The following KCNJ15 variants were observed in gnomAD, a reference collection of about 807,000 sequenced individuals.
KCNJ15 encodes potassium inwardly rectifying channel subfamily J member 15.
A neutral mutation model predicts 23.0 loss-of-function variants in KCNJ15; 14 were observed. That is an observed-to-expected ratio of 0.61 (90% CI 0.40 to 0.95). KCNJ15 has a LOEUF of 0.95. Ranked by LOEUF, KCNJ15 falls within the 40% of genes least tolerant of loss-of-function variation. The pLI is 0.00. For missense variants in KCNJ15, 388 were observed against 461.8 expected (o/e 0.84, Z 1.46); for synonymous variants, 185 against 183.2 (o/e 1.01, Z -0.08).
chr21:38,263,031 G>C (rs756174623), intron 1 of KCNJ15, among the ~76,000 whole-genome samples: 3 of 152,146 alleles, frequency 2.0e-5, no homozygotes, highest in Non-Finnish European at 4.4e-5. Flanking sequence ...AATGTCAAAC[G>C]ACTTGATTCT....
intron 1 of KCNJ15, among the ~76,000 whole-genome samples, chr21:38,238,845 A>G (rs1195737819): frequency 6.6e-6 from 1 of 152,182 alleles, no homozygotes; most frequent in Non-Finnish European, 1.5e-5. Flanking sequence ...ATAGTAAAAA[A>G]TGATTCTCCC....
intron 1 of KCNJ15, among the ~76,000 whole-genome samples, chr21:38,279,245 C>A (rs1274398369): frequency 1.3e-5 from 2 of 151,684 alleles, no homozygotes; most frequent in Non-Finnish European, 2.9e-5. Context: ...TGTTTGTGGG[C>A]AATCAAAGGG....
At chr21:38,266,116 G>C (rs980997616) in intron 1 of KCNJ15, among the ~76,000 whole-genome samples, 1 of 152,072 alleles carries the variant, frequency 6.6e-6, no homozygotes, top group African/African-American at 2.4e-5. Flanking sequence ...GCCAGGCAGG[G>C]CTCTAAGTAT....
At chr21:38,263,748 A>G (rs1187832641) in intron 1 of KCNJ15, among the ~76,000 whole-genome samples, 2 of 152,194 alleles carry the variant, frequency 1.3e-5, no homozygotes, top group African/African-American at 4.8e-5. Context: ...AAGTTGTACT[A>G]CTGGGGCCTG....
chr21:38,259,302 G>A (rs1439864866), intron 1 of KCNJ15, among the ~76,000 whole-genome samples: 1 of 152,122 alleles, frequency 6.6e-6, no homozygotes. Flanking sequence ...GAGTCTTAGA[G>A]CCAACATAAG....
chr21:38,247,340 A>G (rs1305739654), intron 1 of KCNJ15, among the ~76,000 whole-genome samples: 2 of 118,944 alleles, frequency 1.7e-5, no homozygotes, highest in African/African-American at 6.3e-5. Context: ...ATGGATGGAT[A>G]GATGCATAGG....
intron 1 of KCNJ15, among the ~76,000 whole-genome samples, chr21:38,234,290 A>G (rs866728635): frequency 2.6e-5 from 4 of 152,150 alleles, no homozygotes; most frequent in Admixed American, 6.5e-5. Flanking sequence ...CTCATGAGCT[A>G]TTTTTAGTGT....
intron 1 of KCNJ15, chr21:38,238,086 G>A: frequency 3.0e-6 from 1 of 329,098 alleles, no homozygotes; most frequent in Non-Finnish European, 5.9e-6. Flanking sequence ...GGTGCCCAAG[G>A]GAGGCAGTGA....
intron 1 of KCNJ15, among the ~76,000 whole-genome samples, chr21:38,231,634 T>G (rs1988747066): frequency 7.0e-6 from 1 of 141,940 alleles, no homozygotes; most frequent in African/African-American, 2.6e-5. Flanking sequence ...AGTTTTCCTC[T>G]ATTCCTAGTT....
chr21:38,235,587 A>T (rs1253774525), intron 1 of KCNJ15, among the ~76,000 whole-genome samples: 6 of 152,170 alleles, frequency 3.9e-5, no homozygotes, highest in Non-Finnish European at 8.8e-5. Context: ...GTTGAGCTGG[A>T]ATTTGAGCTT....
chr21:38,262,825 C>G (rs1981055806), intron 1 of KCNJ15, among the ~76,000 whole-genome samples: 1 of 151,966 alleles, frequency 6.6e-6, no homozygotes, highest in Non-Finnish European at 1.5e-5. Flanking sequence ...TTACAGGCAC[C>G]TGCCACCACA....
intron 1 of KCNJ15, among the ~76,000 whole-genome samples, chr21:38,280,771 A>G (rs939225796): frequency 3.3e-5 from 5 of 152,180 alleles, no homozygotes; most frequent in African/African-American, 7.2e-5. Context: ...AGGTGAAGTT[A>G]TAAGTCCAGC....
rs1413521042 is a variant in KCNJ15, at chr21:38,270,912, G to A, written c.-117+13727G>A. ...TGGGTCAATGTAGAATTCCCTATACGTTGCATGCATCATCAGGAATTTCAT... is the reference window on the plus strand; with the variant it reads ...TGGGTCAATGTAGAATTCCCTATACATTGCATGCATCATCAGGAATTTCAT... On this transcript the variant is annotated intron_variant, in intron 1 of 2. Coordinates refer to ENST00000398938, the MANE Select transcript of KCNJ15 (RefSeq NM_170736.3). 7.2e-5 allele frequency among the ~76,000 whole-genome samples: 11 copies of A among 152,176 alleles called. No individual in the cohort carries two copies. In the East Asian group the frequency reaches 1.3e-3, roughly 19 times the overall value.
Position 38,300,677 on chromosome 21 carries a change from G to A in KCNJ15, c.*288G>A. 3.1e-6 allele frequency: 1 copy of A among 322,130 alleles called. No individual in the cohort carries two copies. Among genetic ancestry groups the A allele is most frequent in the South Asian group, 7.5e-5 (1 of 13,364 alleles). The allele number at this position is 322,130 out of a possible 1,614,324, so 20.0% of individuals were successfully genotyped here. On this transcript the variant is annotated 3_prime_UTR_variant, in exon 3 of 3. Coordinates refer to ENST00000398938, the MANE Select transcript of KCNJ15 (RefSeq NM_170736.3). The stretch of plus-strand genomic sequence containing the variant: ...TGTAGGGCAATTGGAATAATGTCCT[G>A]TTAGATAAACAGACATTTAGCAATC...
chr21:38,233,446 A>G (rs1290246671), intron 1 of KCNJ15, among the ~76,000 whole-genome samples: 1 of 152,158 alleles, frequency 6.6e-6, no homozygotes, highest in Non-Finnish European at 1.5e-5. Context: ...GTGATTGGAT[A>G]TATGTCTGCC....
chr21:38,282,820 T>A (rs1025018132), intron 1 of KCNJ15, among the ~76,000 whole-genome samples: 1 of 152,108 alleles, frequency 6.6e-6, no homozygotes, highest in Non-Finnish European at 1.5e-5. Flanking sequence ...CCAAGACTGA[T>A]CATTACAGCA....
At position 38,306,425 on chromosome 21, in the gene KCNJ15, C is replaced by A. The variant is rs576294829; in HGVS notation, c.*6036C>A. Reference sequence around the variant, plus strand: ...CTGAGCTAGGAAATGCGTGATCTCTCAGCTGACTTACTTTATGCAAATTTA... The same window carrying A: ...CTGAGCTAGGAAATGCGTGATCTCTAAGCTGACTTACTTTATGCAAATTTA... On this transcript the variant is annotated 3_prime_UTR_variant, in exon 3 of 3. Transcript: ENST00000398938. 1 of 150,868 alleles carries A rather than the reference C, an allele frequency of 6.6e-6. No individual in the cohort carries two copies. The highest frequency in any genetic ancestry group is 2.1e-4 in the South Asian group (1 of 4,778). The allele number at this position is 150,868 out of a possible 1,614,324, so 9.3% of individuals were successfully genotyped here.
At chr21:38,289,412 A>C (rs2123702421) in intron 1 of KCNJ15, among the ~76,000 whole-genome samples, 1 of 152,200 alleles carries the variant, frequency 6.6e-6, no homozygotes, top group South Asian at 2.1e-4. Context: ...AGATTCCACT[A>C]GCCTGTTGAA....
rs1227189444 is a variant in KCNJ15, at chr21:38,304,801, G to T, written c.*4412G>T. 1 of 138,864 alleles carries T rather than the reference G, an allele frequency of 7.2e-6. No individual in the cohort carries two copies. Among genetic ancestry groups the T allele is most frequent in the Non-Finnish European group, 1.5e-5 (1 of 65,094 alleles). The allele number at this position is 138,864 out of a possible 1,614,324, so 8.6% of individuals were successfully genotyped here. ...ACGCCATTCTCTCCCTCAGCCTCCC[G>T]AGTAGCTGGGACTACAGGCGCTCGC... On this transcript the variant is annotated 3_prime_UTR_variant, in exon 3 of 3. Coordinates refer to ENST00000398938, the MANE Select transcript of KCNJ15 (RefSeq NM_170736.3).
Sources: allele counts gnomAD v4.1 joint callset (sites outside exome capture counted in the v4.1 genomes callset), GRCh38; gene constraint gnomAD v4.1.1; transcripts MANE v1.5; gene names NCBI Gene and HGNC (gene_info 2026-07-23, HGNC 2026-07-21).